Variants in FAM149A observed in about 807,000 individuals in gnomAD.
FAM149A encodes the protein protein FAM149A.
In FAM149A, 71 loss-of-function variants were observed where a neutral mutation model predicts 78.2. The ratio of observed to expected loss-of-function variants is 0.91; its 90% CI spans 0.75 to 1.11. The LOEUF (loss-of-function observed/expected upper bound fraction) is 1.11. FAM149A is among the 50% of genes least tolerant of loss of function. The probability of loss-of-function intolerance (pLI) is 0.00; values close to 1 mark genes in which losing one functional copy is unlikely to be tolerated. For missense variants in FAM149A, 1,036 were observed against 971.0 expected (o/e 1.07, Z -0.89); for synonymous variants, 446 against 410.5 (o/e 1.09, Z -1.04).
chr4:186,165,783 C>T (rs927176076), intron 11 of FAM149A, among the ~76,000 whole-genome samples: 8 of 152,140 alleles, frequency 5.3e-5, no homozygotes, highest in African/African-American at 1.9e-4. Flanking sequence ...CAGGCAGGTC[C>T]GCGTGGATCC....
chr4:186,137,008 C>CTCTCTT, intron 1 of FAM149A, among the ~76,000 whole-genome samples: 1 of 130,822 alleles, frequency 7.6e-6, no homozygotes, highest in African/African-American at 3.0e-5. Flanking sequence ...CTCTCTCTCT[C>CTCTCTT]TCTCTCTCTC....
intron 7 of FAM149A, among the ~76,000 whole-genome samples, chr4:186,156,620 C>T (rs1357436654): frequency 1.3e-5 from 2 of 151,514 alleles, no homozygotes. Context: ...ATTGAGATTG[C>T]AGTGAGCAGA....
intron 8 of FAM149A, among the ~76,000 whole-genome samples, chr4:186,162,055 G>T (rs1260979978): frequency 6.6e-6 from 1 of 152,232 alleles, no homozygotes; most frequent in Non-Finnish European, 1.5e-5. Flanking sequence ...CATATTGTGG[G>T]ACTGAAGAGG....
chr4:186,158,335 TCTC>T, intron 8 of FAM149A: 1 of 1,212,022 alleles, frequency 8.3e-7, no homozygotes, highest in South Asian at 1.5e-5. Flanking sequence ...GAACACAGAT[TCTC>T]CTCTGTGCTG....
At chr4:186,109,504 C>A in intron 1 of FAM149A, 1 of 985,318 alleles carries the variant, frequency 1.0e-6, no homozygotes, top group Non-Finnish European at 1.2e-6. Context: ...GAGGTGGATT[C>A]CACCTCAAAC....
At position 186,164,376 on chromosome 4, in the gene FAM149A, C is replaced by G; in HGVS notation, c.1889+743C>G. On this transcript the variant is annotated intron_variant, in intron 10 of 13. Coordinates refer to ENST00000389354, the MANE Select transcript of FAM149A (RefSeq NM_001367768.3). This position sits in a 1 kb window ranked among gnomAD's most constrained non-coding sequence, Gnocchi z 4.0. ...GCCCAGCCGGACACACCCACAAGTG[C>G]TCTCAGGCTTTAGAGACCACCCACT... 1 of 691,052 alleles carries G rather than the reference C, an allele frequency of 1.4e-6. No individual in the cohort carries two copies. The highest frequency in any genetic ancestry group is 1.8e-6 in the Non-Finnish European group (1 of 561,120). 42.8% of individuals were successfully genotyped at this position (691,052 alleles called of 1,614,324 possible).
intron 1 of FAM149A, among the ~76,000 whole-genome samples, chr4:186,128,146 A>G (rs1238423884): frequency 6.6e-6 from 1 of 151,490 alleles, no homozygotes; most frequent in Non-Finnish European, 1.5e-5. Context: ...GCATGCCACC[A>G]TGCCCCACTA....
intron 8 of FAM149A, among the ~76,000 whole-genome samples, chr4:186,162,048 A>T (rs1734647118): frequency 6.6e-6 from 1 of 152,208 alleles, no homozygotes; most frequent in Admixed American, 6.5e-5. Flanking sequence ...AGTTGGTCAT[A>T]TTGTGGGACT....
intron 1 of FAM149A, among the ~76,000 whole-genome samples, chr4:186,136,964 T>TCTCTCTCTTTCTCTCTCTCTCTCTCTCTC (rs2099323207): frequency 4.1e-5 from 4 of 97,040 alleles, no homozygotes; most frequent in African/African-American, 1.8e-4. Flanking sequence ...CTCTCTCTCT[T>TCTCTCTCTTTCTCTCTCTCTCTCTCTCTC]TCTCTCTCTC....
Position 186,162,877 on chromosome 4 carries a change from CATGA to C in FAM149A, c.1612_1615del (p.Asn538ValfsTer3). The C allele has an allele frequency of 6.8e-7, 1 of 1,461,558 alleles. No individual in the cohort carries two copies. The highest frequency in any genetic ancestry group is 9.3e-7 in the Non-Finnish European group (1 of 1,074,250). 90.5% of individuals were successfully genotyped at this position (1,461,558 alleles called of 1,614,324 possible). On this transcript the variant is annotated frameshift_variant, in exon 9 of 14. Transcript: ENST00000389354. LOFTEE classifies it high-confidence loss of function. ...ACTTCTCCAGCAGTTTTTATAGTGA[CATGA>C]ATGGTGTCATGACAATTCAAGCAAA... is the stretch of plus-strand genomic sequence containing the variant.
chr4:186,165,198 C>T (rs1734933378), intron 10 of FAM149A, 146 bp from the exon 11 acceptor site: 3 of 796,792 alleles, frequency 3.8e-6, no homozygotes, highest in South Asian at 1.7e-5. Context: ...GGGGAGCATC[C>T]GGATAATACC....
chr4:186,109,304 A>G, intron 1 of FAM149A: 2 of 724,452 alleles, frequency 2.8e-6, no homozygotes, highest in Non-Finnish European at 3.4e-6. Flanking sequence ...GCAAGCATAT[A>G]TTCACTCTTT....
At position 186,164,850 on chromosome 4, in the gene FAM149A, T is replaced by G. The variant is rs1276122747; in HGVS notation, c.1890-494T>G. On this transcript the variant is annotated intron_variant, in intron 10 of 13. Transcript: ENST00000389354. This position sits in a 1 kb window ranked among gnomAD's most constrained non-coding sequence, Gnocchi z 4.0. ...GATTTTTCAGCTTTCTTTTTATTAT[T>G]GCCACCCTGAGGAGCCCTTTTCGAC... 6.6e-6 allele frequency among the ~76,000 whole-genome samples: 1 copy of G among 152,098 alleles called. No individual in the cohort carries two copies. Among genetic ancestry groups the G allele is most frequent in the Non-Finnish European group, 1.5e-5 (1 of 68,020 alleles).
intron 3 of FAM149A, among the ~76,000 whole-genome samples, chr4:186,149,915 C>T (rs1733342674): frequency 6.6e-6 from 1 of 152,304 alleles, no homozygotes; most frequent in East Asian, 1.9e-4. Flanking sequence ...ACCTTCTGGC[C>T]CCGTCTTAGC....
intron 1 of FAM149A, among the ~76,000 whole-genome samples, chr4:186,134,271 G>A (rs1363063156): frequency 6.6e-6 from 1 of 152,186 alleles, no homozygotes; most frequent in Non-Finnish European, 1.5e-5. Flanking sequence ...CAGCCTCAGA[G>A]ATTAAACCTG....
intron 3 of FAM149A, among the ~76,000 whole-genome samples, chr4:186,150,192 G>A (rs577220241): frequency 1.3e-5 from 2 of 152,164 alleles, no homozygotes; most frequent in East Asian, 3.9e-4. Context: ...GGCTGGGCGA[G>A]CTCTGCCTCC....
intron 1 of FAM149A, among the ~76,000 whole-genome samples, chr4:186,141,045 T>C (rs991401816): frequency 6.6e-6 from 1 of 152,236 alleles, no homozygotes; most frequent in Non-Finnish European, 1.5e-5. Context: ...TTCTGACTGA[T>C]GTGAGATGGT....
At chr4:186,153,534 A>G in intron 4 of FAM149A, 111 bp from the exon 5 acceptor site, 1 of 1,499,646 alleles carries the variant, frequency 6.7e-7, no homozygotes, top group Non-Finnish European at 9.0e-7. Context: ...GTTCCCATAC[A>G]CATCTTATCA....
intron 1 of FAM149A, among the ~76,000 whole-genome samples, chr4:186,148,250 C>G (rs113003213): frequency 0.077 from 11,656 of 152,188 alleles, 713 homozygotes; most frequent in African/African-American, 0.16. Context: ...TTACTTGAAC[C>G]TAGGAGGTGG....
Sources: allele counts gnomAD v4.1 joint callset (sites outside exome capture counted in the v4.1 genomes callset), GRCh38; gene constraint gnomAD v4.1.1; non-coding constraint Gnocchi (gnomAD v3.1); transcripts MANE v1.5; gene names NCBI Gene and HGNC (gene_info 2026-07-23, HGNC 2026-07-21).